Variants in UBE3C observed in about 807,000 individuals in gnomAD.
The protein encoded by UBE3C is ubiquitin protein ligase E3C, also known as ubiquitin-protein ligase E3C.
Under a neutral mutation model 129.4 loss-of-function variants are expected in UBE3C, and 42 were observed. The observed-to-expected ratio is 0.32, with a 90% CI of 0.25 to 0.42. The LOEUF is 0.42. UBE3C is among the 10% of genes least tolerant of loss of function. The pLI is 1.00. For synonymous variants in UBE3C, 510 were observed against 492.4 expected, an observed-to-expected ratio of 1.04 and a Z score of -0.47; for missense variants, 1,049 against 1,319.1, an observed-to-expected ratio of 0.80 and a Z score of 3.17.
intron 5 of UBE3C, 86 bp downstream of exon 5, chr7:157,175,120 A>C: frequency 1.5e-6 from 1 of 658,712 alleles, no homozygotes; most frequent in Non-Finnish European, 2.1e-6. Flanking sequence ...ATTTTCAGAG[A>C]CAGTGGCTTT....
intron 18 of UBE3C, among the ~76,000 whole-genome samples, chr7:157,245,708 T>G (rs1400904253): frequency 6.6e-6 from 1 of 152,220 alleles, no homozygotes; most frequent in African/African-American, 2.4e-5. Flanking sequence ...GCAGTCTTCC[T>G]GGAGGGGATG....
At chr7:157,252,593 C>T (rs554509790) in intron 19 of UBE3C, among the ~76,000 whole-genome samples, 7 of 152,302 alleles carry the variant, frequency 4.6e-5, no homozygotes, top group African/African-American at 1.4e-4. Context: ...AACCAGCAAA[C>T]GAGTCTCCTA....
intron 22 of UBE3C, among the ~76,000 whole-genome samples, chr7:157,261,431 A>T (rs972558648): frequency 8.3e-5 from 11 of 132,454 alleles, no homozygotes; most frequent in African/African-American, 2.7e-4. Flanking sequence ...TTGAGCATCC[A>T]TGAGACGGTC....
At chr7:157,172,556 G>A (rs1808406513) in intron 4 of UBE3C, among the ~76,000 whole-genome samples, 1 of 152,156 alleles carries the variant, frequency 6.6e-6, no homozygotes, top group South Asian at 2.1e-4. Context: ...GTTGAGCTAA[G>A]GTGGAACATG....
rs776042330 is a variant in UBE3C at position 157,186,966 on chromosome 7, G to A, written c.1276G>A (p.Ala426Thr). The A allele has an allele frequency of 6.2e-7, 1 of 1,612,876 alleles. No homozygotes were observed. The highest frequency in any genetic ancestry group is 8.5e-7 in the Non-Finnish European group (1 of 1,179,482). Residue 426 changes from alanine to threonine, a missense_variant, in exon 10 of 23, where the codon GCC (alanine) becomes ACC (threonine). Transcript: ENST00000348165. ...GAGCGAGGAGGTCTTCACCACCATGGCCTCCGTCTGCCACACGCTGATGGT... is the reference window on the plus strand; with the variant it reads ...GAGCGAGGAGGTCTTCACCACCATGACCTCCGTCTGCCACACGCTGATGGT... ...SASEEVFTTMASVCHTLMVQH... is the reference protein window; with the variant it reads ...SASEEVFTTMTSVCHTLMVQH...
chr7:157,204,398 C>CAAAA (rs35298527), intron 11 of UBE3C, among the ~76,000 whole-genome samples: 35 of 86,392 alleles, frequency 4.1e-4, no homozygotes, highest in South Asian at 1.3e-3. Flanking sequence ...AACTTTGTTT[C>CAAAA]AAAAAAAAAA....
chr7:157,221,874 T>G (rs1197752111), intron 15 of UBE3C: 2 of 152,220 alleles, frequency 1.3e-5, no homozygotes, highest in Non-Finnish European at 2.9e-5. Flanking sequence ...TTCTTGGTTG[T>G]TTTTTGTTTT....
chr7:157,240,835 G>A (rs1796298253), intron 18 of UBE3C, among the ~76,000 whole-genome samples: 1 of 152,192 alleles, frequency 6.6e-6, no homozygotes, highest in African/African-American at 2.4e-5. Context: ...AGAGCTGAAG[G>A]AACTGGTAGC....
intron 4 of UBE3C, among the ~76,000 whole-genome samples, chr7:157,173,288 A>T (rs1001332642): frequency 6.6e-6 from 1 of 152,168 alleles, no homozygotes; most frequent in Non-Finnish European, 1.5e-5. Flanking sequence ...AGGCAGGAGG[A>T]TCGTTTGAGC....
intron 10 of UBE3C, among the ~76,000 whole-genome samples, chr7:157,199,742 A>T (rs1349224378): frequency 1.3e-5 from 2 of 152,162 alleles, no homozygotes; most frequent in Admixed American, 6.5e-5. Flanking sequence ...AAGTGCTGGG[A>T]TTACAGGCGT....
chr7:157,179,838 C>G lies in UBE3C; in HGVS notation c.616+991C>G, dbSNP rs895578835. ...TACTCATTTCAGCCTTGCTGCTTGG[C>G]GTGTTACTATTTTTTAGACTCCTTA... On this transcript the variant is annotated intron_variant, in intron 6 of 22. Transcript: ENST00000348165. Among the ~76,000 whole-genome samples, 13 of 152,204 alleles carry G rather than the reference C, an allele frequency of 8.5e-5. No homozygotes were observed. In the East Asian group the frequency reaches 2.3e-3, roughly 27 times the overall value.
intron 4 of UBE3C, among the ~76,000 whole-genome samples, chr7:157,172,840 A>G (rs186649426): frequency 2.6e-5 from 4 of 152,306 alleles, no homozygotes; most frequent in Admixed American, 6.5e-5. Flanking sequence ...GTGCTGTGAG[A>G]TGTCGATTGG....
At chr7:157,253,613 G>A (rs1448904449) in intron 19 of UBE3C, among the ~76,000 whole-genome samples, 3 of 151,390 alleles carry the variant, frequency 2.0e-5, no homozygotes, top group African/African-American at 7.3e-5. Context: ...CTGACTTAAC[G>A]GTGATTGTTT....
intron 10 of UBE3C, chr7:157,192,491 A>G: frequency 1.3e-6 from 1 of 758,564 alleles, no homozygotes; most frequent in East Asian, 2.4e-5. Flanking sequence ...TGATCAGCAA[A>G]GACTGATCTT....
chr7:157,228,682 C>T (rs116832054), intron 17 of UBE3C, among the ~76,000 whole-genome samples: 2,246 of 152,268 alleles, frequency 0.015, 56 homozygotes, highest in African/African-American at 0.051. Flanking sequence ...GTGGCGGGCA[C>T]GGCAGGGCAG....
At chr7:157,244,576 G>A (rs982824399) in intron 18 of UBE3C, among the ~76,000 whole-genome samples, 2 of 152,140 alleles carry the variant, frequency 1.3e-5, no homozygotes, top group African/African-American at 4.8e-5. Context: ...TGATAGAGAT[G>A]CATTTGAAAA....
intron 17 of UBE3C, among the ~76,000 whole-genome samples, chr7:157,230,139 C>G (rs763075068): frequency 6.6e-6 from 1 of 151,074 alleles, no homozygotes; most frequent in Non-Finnish European, 1.5e-5. Context: ...GAACTCCTGA[C>G]CTCAAGGCGA....
At chr7:157,176,781 C>T (rs963415666) in intron 5 of UBE3C, among the ~76,000 whole-genome samples, 1 of 152,088 alleles carries the variant, frequency 6.6e-6, no homozygotes, top group East Asian at 1.9e-4. Context: ...TCTGTGAGGT[C>T]ACAAAGCCTT....
intron 4 of UBE3C, among the ~76,000 whole-genome samples, chr7:157,174,675 A>T (rs1160734689): frequency 6.6e-6 from 1 of 152,076 alleles, no homozygotes; most frequent in Non-Finnish European, 1.5e-5. Context: ...GCTGGTCTTG[A>T]ACTGGACCTC....
Sources: allele counts gnomAD v4.1 joint callset (sites outside exome capture counted in the v4.1 genomes callset), GRCh38; gene constraint gnomAD v4.1.1; transcripts MANE v1.5; gene names NCBI Gene and HGNC (gene_info 2026-07-23, HGNC 2026-07-21).